TRPM1: variants seen among roughly 807,000 people sequenced by gnomAD.
TRPM1 encodes the protein TRPM1-203 APA Isoform, Intron 10.
In TRPM1, 113 loss-of-function variants were observed where a neutral mutation model predicts 149.4. The ratio of observed to expected loss-of-function variants is 0.76; its 90% CI spans 0.65 to 0.88. The LOEUF is 0.88. TRPM1 is among the 40% of genes least tolerant of loss of function. The pLI is 0.00. For missense variants in TRPM1, 1,976 were observed against 2,038.7 expected (o/e 0.97, Z 0.59); for synonymous variants, 741 against 759.5 (o/e 0.98, Z 0.40).
rs1024578164 is a variant in TRPM1 at position 31,081,215 on chromosome 15, G to A, written c.3+138C>T. On this transcript the variant is annotated intron_variant, in intron 2 of 27. Transcript: ENST00000256552. ...CAGGGCAAGTGCAACTGGCGCCATG[G>A]CCCGAGCCAGGCTCAATCCACTTCC... 49 of 727,086 alleles carry A rather than the reference G, an allele frequency of 6.7e-5. No homozygotes were observed. The East Asian group carries it at 1.2e-3, about 18-fold the overall frequency. The allele number at this position is 727,086 out of a possible 1,614,324, so 45.0% of individuals were successfully genotyped here. A position where few individuals can be genotyped will look rare whatever the true frequency, so the allele number is the denominator to read the frequency against.
intron 1 of TRPM1, among the ~76,000 whole-genome samples, chr15:31,155,384 A>C (rs961362326): frequency 1.3e-5 from 2 of 152,174 alleles, no homozygotes; most frequent in East Asian, 1.9e-4. Flanking sequence ...TAGACAAGGA[A>C]GCTCAGATAA....
intron 18 of TRPM1, among the ~76,000 whole-genome samples, chr15:31,039,184 C>T (rs555179136): frequency 9.2e-5 from 14 of 152,240 alleles, no homozygotes; most frequent in Admixed American, 6.5e-4. Flanking sequence ...AGGCCTTACT[C>T]CAGTGCTGCC....
intron 27 of TRPM1, among the ~76,000 whole-genome samples, chr15:31,012,962 ATTTC>A (rs909777638): frequency 5.2e-5 from 7 of 134,876 alleles, no homozygotes; most frequent in East Asian, 4.3e-4. Context: ...CCCTTCCTTC[ATTTC>A]TTTCTTTTTC....
At chr15:31,102,083 G>T (rs1467520464), upstream of TRPM1, among the ~76,000 whole-genome samples, 1 of 152,196 alleles carries the variant, frequency 6.6e-6, no homozygotes, top group Admixed American at 6.5e-5. Flanking sequence ...GGCAGTGTTC[G>T]TGCCCCGGGG....
chr15:31,013,326 A>G (rs760402660), intron 27 of TRPM1, among the ~76,000 whole-genome samples: 3 of 152,148 alleles, frequency 2.0e-5, no homozygotes, highest in Non-Finnish European at 2.9e-5. Flanking sequence ...TTTTAAAAAT[A>G]TATATAATTT....
At chr15:31,113,835 A>G (rs371959797) in intron 1 of TRPM1, among the ~76,000 whole-genome samples, 2 of 152,272 alleles carry the variant, frequency 1.3e-5, no homozygotes, top group East Asian at 3.9e-4. Context: ...GAAGATGTGA[A>G]CAGCAAAACA....
chr15:31,092,545 C>G (rs1045481697), intron 1 of TRPM1, among the ~76,000 whole-genome samples: 2 of 152,178 alleles, frequency 1.3e-5, no homozygotes, highest in African/African-American at 4.8e-5. Context: ...CCAAAATGGG[C>G]ATTTGCTTTT....
At chr15:31,140,413 A>C (rs1434455139) in intron 1 of TRPM1, among the ~76,000 whole-genome samples, 1 of 151,924 alleles carries the variant, frequency 6.6e-6, no homozygotes, top group African/African-American at 2.4e-5. Context: ...AAGAAAAGAA[A>C]TGTGATTATC....
chr15:31,149,904 T>C (rs895490202), intron 1 of TRPM1, among the ~76,000 whole-genome samples: 48 of 152,252 alleles, frequency 3.2e-4, no homozygotes, highest in Middle Eastern at 6.3e-3. Flanking sequence ...TGGCGAGCAT[T>C]GACGATTTGG....
At chr15:31,069,137 G>A (rs1385948589) in intron 4 of TRPM1, among the ~76,000 whole-genome samples, 1 of 152,198 alleles carries the variant, frequency 6.6e-6, no homozygotes. Flanking sequence ...TGGGTGTCCT[G>A]TATTTTATCT....
intron 3 of TRPM1, among the ~76,000 whole-genome samples, chr15:31,073,907 TAAAG>T (rs2034623835): frequency 6.6e-6 from 1 of 152,112 alleles, no homozygotes; most frequent in African/African-American, 2.4e-5. Context: ...TGATTTTTTA[TAAAG>T]AGTGTTGAGT....
At chr15:31,073,380 A>G (rs1015098897) in intron 3 of TRPM1, among the ~76,000 whole-genome samples, 1 of 152,130 alleles carries the variant, frequency 6.6e-6, no homozygotes, top group African/African-American at 2.4e-5. Flanking sequence ...ATCCTATGCC[A>G]GTATCGTTGT....
intron 1 of TRPM1, among the ~76,000 whole-genome samples, chr15:31,107,921 GAT>G (rs2035630735): frequency 6.6e-6 from 1 of 151,090 alleles, no homozygotes. Flanking sequence ...GCAGTGGCAT[GAT>G]CTCAGCTCAC....
At chr15:31,073,944 C>T (rs565547583) in intron 3 of TRPM1, among the ~76,000 whole-genome samples, 9 of 152,044 alleles carry the variant, frequency 5.9e-5, no homozygotes, top group African/African-American at 2.2e-4. Context: ...TTTTGCTGTG[C>T]CTATTGAAAA....
chr15:31,133,487 G>A lies in TRPM1; in HGVS notation c.54+27419C>T, dbSNP rs148901592. Among the ~76,000 whole-genome samples the A allele has an allele frequency of 9.8e-3, 1,488 of 152,224 alleles. 18 individuals carry two copies. Among genetic ancestry groups the A allele is most frequent in the African/African-American group, 0.035 (1,438 of 41,516 alleles). On this transcript the variant is annotated intron_variant, in intron 1 of 26. Transcript: ENST00000542188. Reference sequence around the variant, plus strand: ...AAGGCAGGCAGATCACTTGAGGTCAGGAGTTCAAGACCAGCTTGGCCAACA... The same window carrying A: ...AAGGCAGGCAGATCACTTGAGGTCAAGAGTTCAAGACCAGCTTGGCCAACA...
chr15:31,034,692 T>C (rs1334836862), intron 21 of TRPM1, among the ~76,000 whole-genome samples: 1 of 152,248 alleles, frequency 6.6e-6, no homozygotes, highest in Non-Finnish European at 1.5e-5. Flanking sequence ...ATGGCATTTT[T>C]CCTGTAACTT....
At chr15:31,071,480 G>A (rs2034537845) in intron 3 of TRPM1, among the ~76,000 whole-genome samples, 1 of 152,004 alleles carries the variant, frequency 6.6e-6, no homozygotes, top group Non-Finnish European at 1.5e-5. Context: ...CCAGCCTTGG[G>A]GCTTCCTCCC....
At position 31,032,719 on chromosome 15, in the gene TRPM1, C is replaced by T; in HGVS notation, c.2922G>A (p.Leu974=). The T allele has an allele frequency of 6.2e-7, 1 of 1,614,204 alleles. No homozygotes were observed. Among genetic ancestry groups the T allele is most frequent in the African/African-American group, 1.3e-5 (1 of 75,056 alleles). Residue 974 remains leucine, a synonymous_variant, in exon 22 of 28, where the codon CTG becomes CTA. Transcript: ENST00000256552. ...VLDIFGVNKY[L]GPYVMMIGKM... is the part of the protein sequence containing the mutation. ...TTCCAATCATCATCACGTATGGCCCCAGATACTTGTTGACACCAAAGATGT... is the reference window on the plus strand; with the variant it reads ...TTCCAATCATCATCACGTATGGCCCTAGATACTTGTTGACACCAAAGATGT...
chr15:31,155,060 G>A (rs2036349731), intron 1 of TRPM1, among the ~76,000 whole-genome samples: 1 of 152,208 alleles, frequency 6.6e-6, no homozygotes, highest in African/African-American at 2.4e-5. Flanking sequence ...TGTTTAAGCA[G>A]CAGGCAAGGT....
Sources: allele counts gnomAD v4.1 joint callset (sites outside exome capture counted in the v4.1 genomes callset), GRCh38; gene constraint gnomAD v4.1.1; transcripts MANE v1.5; gene names NCBI Gene and HGNC (gene_info 2026-07-23, HGNC 2026-07-21).